FRMD1: variants seen among roughly 807,000 people sequenced by gnomAD.
FRMD1 encodes FERM domain-containing protein 1.
Under a neutral mutation model 54.9 loss-of-function variants are expected in FRMD1, and 51 were observed. The ratio of observed to expected loss-of-function variants is 0.93; its 90% CI spans 0.74 to 1.17. FRMD1 has a LOEUF of 1.17. Ranked by LOEUF, FRMD1 falls within the 50% of genes most tolerant of loss-of-function variation. The pLI, the probability that FRMD1 is intolerant of heterozygous loss-of-function variation, is 0.00. For missense variants in FRMD1, 729 were observed against 743.0 expected (o/e 0.98, Z 0.22); for synonymous variants, 324 against 306.4 (o/e 1.06, Z -0.60).
rs1308594860 is a variant in FRMD1, at chr6:168,054,617, C to T, written c.*2480G>A. 1 of 152,006 alleles carries T rather than the reference C, an allele frequency of 6.6e-6. No individual in the cohort carries two copies. The highest frequency in any genetic ancestry group is 6.5e-5 in the Admixed American group (1 of 15,278). The allele number at this position is 152,006 out of a possible 1,614,324, so 9.4% of individuals were successfully genotyped here. ...AGGAAACATCCCTGTCCCTACCAGT[C>T]GGTGTCCATTTTTCTGGAAAATAGC... On this transcript the variant is annotated 3_prime_UTR_variant, in exon 11 of 11. Transcript: ENST00000283309.
chr6:168,086,297 C>A (rs377554429), upstream of FRMD1, among the ~76,000 whole-genome samples: 1 of 148,804 alleles, frequency 6.7e-6, no homozygotes, highest in African/African-American at 2.5e-5. Context: ...ACACTGCCCA[C>A]GTTCCAGCAT....
At chr6:168,067,491 C>T (rs749954004) in intron 2 of FRMD1, 45 bp from the exon 3 acceptor site, 2 of 1,227,166 alleles carry the variant, frequency 1.6e-6, no homozygotes, top group Non-Finnish European at 2.4e-6. Context: ...CACCATGCTT[C>T]TCAGGTGTCA....
chr6:168,077,909 T>C (rs1005052821), intron 1 of FRMD1, among the ~76,000 whole-genome samples: 4 of 152,200 alleles, frequency 2.6e-5, no homozygotes, highest in Non-Finnish European at 5.9e-5. Context: ...TTCTCGTTGC[T>C]GGGTGGGGAC....
upstream of FRMD1, among the ~76,000 whole-genome samples, chr6:168,085,844 T>C (rs901511812): frequency 2.0e-5 from 3 of 152,144 alleles, no homozygotes; most frequent in Non-Finnish European, 2.9e-5. Flanking sequence ...AAGCCTTCCA[T>C]GGCTCCCTAT....
At chr6:168,068,063 G>A (rs1293372530) in intron 2 of FRMD1, among the ~76,000 whole-genome samples, 2 of 152,138 alleles carry the variant, frequency 1.3e-5, no homozygotes, top group African/African-American at 4.8e-5. Flanking sequence ...AGAAAGCTAT[G>A]AACGTGCCAC....
In FRMD1 at chr6:168,059,889, G is replaced by A. The variant is rs1220179715; in HGVS notation, c.1343-701C>T. Among the ~76,000 whole-genome samples, 2 of 152,026 alleles carry A rather than the reference G, an allele frequency of 1.3e-5. No homozygotes were observed. Among genetic ancestry groups the A allele is most frequent in the Non-Finnish European group, 2.9e-5 (2 of 68,004 alleles). On this transcript the variant is annotated intron_variant, in intron 9 of 10. Transcript: ENST00000283309. The surrounding 1 kb of genome is among the most constrained non-coding windows in gnomAD (Gnocchi z 4.4). ...TGGGCCAGGTGGACACATGGTCCTA[G>A]AACACTCTGAATGGCTCTGTCTTCT... is the stretch of plus-strand genomic sequence containing the variant.
At chr6:168,076,003 C>T in intron 1 of FRMD1, 5 of 915,170 alleles carry the variant, frequency 5.5e-6, no homozygotes, top group South Asian at 1.6e-5. Context: ...CACTACTTCA[C>T]GCCTGTTCAG....
chr6:168,091,313 G>A (rs1467113788), intron 1 of FRMD1, among the ~76,000 whole-genome samples: 4 of 152,152 alleles, frequency 2.6e-5, no homozygotes, highest in Non-Finnish European at 5.9e-5. Context: ...CCTCTTCCAC[G>A]GACTCTGCTC....
At chr6:168,076,173 T>A (rs28444597) in intron 1 of FRMD1, among the ~76,000 whole-genome samples, 133,580 of 152,246 alleles carry the variant, frequency 0.88, 58,648 homozygotes, top group Non-Finnish European at 0.9. Context: ...GCAGGACGGT[T>A]GCCGTGCGCT....
intron 1 of FRMD1, among the ~76,000 whole-genome samples, chr6:168,088,133 G>A (rs1314232366): frequency 6.6e-6 from 1 of 152,226 alleles, no homozygotes; most frequent in Non-Finnish European, 1.5e-5. Context: ...CCATCTTAGA[G>A]ATAAGAAAGC....
chr6:168,073,977 C>A, intron 2 of FRMD1, among the ~76,000 whole-genome samples: 1 of 152,196 alleles, frequency 6.6e-6, no homozygotes, highest in South Asian at 2.1e-4. Context: ...GCTTCATCTC[C>A]ATCTGTCCAT....
rs1334737145 is a variant in FRMD1 at position 168,057,337 on chromosome 6, G to C, written c.1410C>G (p.Ile470Met). The C allele has an allele frequency of 6.2e-7, 1 of 1,609,646 alleles. No homozygotes were observed. The change falls in exon 11 of 11, where the codon ATC (isoleucine) becomes ATG (methionine). Residue 470 changes from isoleucine (I) to methionine (M), a missense_variant and splice_region_variant. Ile to Met is a conservative substitution (Grantham distance 10). Coordinates refer to ENST00000283309, the MANE Select transcript of FRMD1 (RefSeq NM_024919.6). ...CACTGACCCCGGCTGTCATTTCCTG[G>C]ATCTGCGGGGAGAGGCCATGGGATG... ...RGQSAEAVHQ[I>M]QEMTAGVSEE...
Position 168,059,334 on chromosome 6 carries a change from G to A in FRMD1, c.1343-146C>T, listed in dbSNP as rs1388454647. 1 of 658,954 alleles carries A rather than the reference G, an allele frequency of 1.5e-6. No individual in the cohort carries two copies. The highest frequency in any genetic ancestry group is 2.6e-6 in the Non-Finnish European group (1 of 385,714). 40.8% of individuals were successfully genotyped at this position (658,954 alleles called of 1,614,324 possible). On this transcript the variant is annotated intron_variant, in intron 9 of 10. Coordinates refer to ENST00000283309, the MANE Select transcript of FRMD1 (RefSeq NM_024919.6). This position sits in a 1 kb window ranked among gnomAD's most constrained non-coding sequence, Gnocchi z 4.4. ...ACCGCCCCCTTGCTCTCAGTGCGGT[G>A]ACTGCTTTTGCTCCATTCCCCGACA...
intron 7 of FRMD1, chr6:168,062,646 GC>G: frequency 6.5e-7 from 1 of 1,548,558 alleles, no homozygotes; most frequent in Non-Finnish European, 8.7e-7. Flanking sequence ...GCTTTCCAGG[GC>G]ACGGGGACCC....
In FRMD1 at chr6:168,075,306, C is replaced by A; in HGVS notation, c.243G>T (p.Gln81His). 1.2e-6 allele frequency: 2 copies of A among 1,613,522 alleles called. No homozygotes were observed. The highest frequency in any genetic ancestry group is 1.7e-6 in the Non-Finnish European group (2 of 1,180,000). Reference sequence around the variant, plus strand: ...TGATGCTCGCCACGTTGCACACTTGCTGGAAAAGCTCGCGGCCAGTAGCCT... The same window carrying A: ...TGATGCTCGCCACGTTGCACACTTGATGGAAAAGCTCGCGGCCAGTAGCCT... ...GVKATGRELF[Q>H]QVCNVASIRD... Residue 81 changes from glutamine (Q) to histidine (H), a missense_variant, in exon 2 of 11, where the codon CAG becomes CAT. Coordinates refer to ENST00000283309, the MANE Select transcript of FRMD1 (RefSeq NM_024919.6).
At chr6:168,089,597 C>A (rs1431450155) in intron 1 of FRMD1, among the ~76,000 whole-genome samples, 1 of 152,246 alleles carries the variant, frequency 6.6e-6, no homozygotes, top group Non-Finnish European at 1.5e-5. Context: ...CGACCATCAG[C>A]AGCTTCACTG....
In FRMD1 at chr6:168,064,883, G is replaced by A; in HGVS notation, c.636C>T (p.Tyr212=). The change falls in exon 5 of 11, where the codon TAC becomes TAT. Residue 212 remains tyrosine (Y), a synonymous_variant. Transcript: ENST00000283309. ...GCCCTGACCTTACCCACTGTGGGAA[G>A]TAGGAGTGTGGCTCGAAGTACCTCC... ...HAGRYFEPHS[Y]FPQWIITKRG... The A allele has an allele frequency of 1.3e-6, 2 of 1,570,176 alleles. No individual in the cohort carries two copies. Among genetic ancestry groups the A allele is most frequent in the South Asian group, 2.3e-5 (2 of 85,824 alleles).
chr6:168,076,001 C>T, intron 1 of FRMD1: 1 of 912,540 alleles, frequency 1.1e-6, no homozygotes, highest in Non-Finnish European at 1.7e-6. Flanking sequence ...GACACTACTT[C>T]ACGCCTGTTC....
At chr6:168,080,188 C>T (rs2115023984), upstream of FRMD1, among the ~76,000 whole-genome samples, 1 of 152,176 alleles carries the variant, frequency 6.6e-6, no homozygotes, top group East Asian at 1.9e-4. Context: ...CGCACTCCAG[C>T]CGCCCTAAGG....
Sources: gnomAD v4.1 joint callset for allele counts (sites outside exome capture counted in the v4.1 genomes callset) on GRCh38, gnomAD v4.1.1 for gene constraint, Gnocchi (gnomAD v3.1) non-coding constraint, MANE v1.5 for transcripts, NCBI Gene and HGNC (gene_info 2026-07-23, HGNC 2026-07-21) for gene names.